CDH7: variants seen among roughly 807,000 people sequenced by gnomAD.
The protein encoded by CDH7 is cadherin 7, also known as cadherin-7.
Under a neutral mutation model 71.8 loss-of-function variants are expected in CDH7, and 25 were observed. The observed-to-expected ratio is 0.35, with a 90% CI of 0.25 to 0.49. The LOEUF is 0.49. CDH7 is among the 20% of genes least tolerant of loss of function. The pLI is 0.99. For missense variants in CDH7, 862 were observed against 974.6 expected (o/e 0.88, Z 1.54); for synonymous variants, 381 against 363.8 (o/e 1.05, Z -0.54).
rs549999047 is a variant in CDH7 at position 65,763,546 on chromosome 18, A to G, written c.210+494A>G. 1.4e-4 allele frequency among the ~76,000 whole-genome samples: 21 copies of G among 151,812 alleles called. 1 individual carries two copies. The highest frequency in any genetic ancestry group is 4.8e-4 in the African/African-American group (20 of 41,398). Reference sequence around the variant, plus strand: ...CTATTGACCCTAATGTTTCTAAATTATGAACAATTTAAACCCACTTTTCTT... The same window carrying G: ...CTATTGACCCTAATGTTTCTAAATTGTGAACAATTTAAACCCACTTTTCTT... On this transcript the variant is annotated intron_variant, in intron 2 of 11. Transcript: ENST00000397968.
intron 7 of CDH7, among the ~76,000 whole-genome samples, chr18:65,849,339 TTTTTCTTTTC>T (rs71167161): frequency 0.039 from 3,207 of 81,698 alleles, 69 homozygotes; most frequent in Non-Finnish European, 0.047. Context: ...TAGCCTTTCC[TTTTTCTTTTC>T]TTTTCTTTTC....
At chr18:65,820,778 A>G (rs1911894896) in intron 4 of CDH7, among the ~76,000 whole-genome samples, 2 of 152,180 alleles carry the variant, frequency 1.3e-5, no homozygotes, top group Admixed American at 1.3e-4. Flanking sequence ...TTCTATCTTA[A>G]CGATGCTATA....
rs75065201 is a variant in CDH7 at position 65,869,661 on chromosome 18, C to T, written c.1864+6744C>T. Among the ~76,000 whole-genome samples the T allele has an allele frequency of 5.4e-3, 767 of 143,276 alleles. 10 individuals are homozygous for T. The highest frequency in any genetic ancestry group is 0.019 in the African/African-American group (737 of 39,052). 94.0% of individuals were successfully genotyped at this position (143,276 alleles called of 152,430 possible). A position where few individuals can be genotyped will look rare whatever the true frequency, so the allele number is the denominator to read the frequency against. On this transcript the variant is annotated intron_variant, in intron 11 of 11. Transcript: ENST00000397968. Reference sequence around the variant, plus strand: ...TACCTTGCATCTAGCAGTCTTTGAGCATCTGACATGGTCGACTTGTCTGTT... The same window carrying T: ...TACCTTGCATCTAGCAGTCTTTGAGTATCTGACATGGTCGACTTGTCTGTT...
At chr18:65,854,861 G>A (rs1913291939) in intron 7 of CDH7, among the ~76,000 whole-genome samples, 2 of 151,444 alleles carry the variant, frequency 1.3e-5, no homozygotes, top group African/African-American at 2.4e-5. Flanking sequence ...ACATAGAAGT[G>A]TATTTTATAT....
At chr18:65,799,381 A>G (rs1911031830) in intron 2 of CDH7, among the ~76,000 whole-genome samples, 1 of 152,082 alleles carries the variant, frequency 6.6e-6, no homozygotes, top group African/African-American at 2.4e-5. Flanking sequence ...GGAGTGAGGT[A>G]AGAAGGACAA....
At chr18:65,755,405 A>C (rs752706992) in intron 1 of CDH7, among the ~76,000 whole-genome samples, 4 of 152,222 alleles carry the variant, frequency 2.6e-5, no homozygotes, top group Non-Finnish European at 5.9e-5. Context: ...GGAGCAGCAG[A>C]ATTTGAAGAT....
intron 4 of CDH7, among the ~76,000 whole-genome samples, chr18:65,819,286 C>T (rs748007950): frequency 8.5e-5 from 13 of 152,110 alleles, no homozygotes; most frequent in Non-Finnish European, 1.5e-4. Context: ...ATTGGGTTTA[C>T]GTAAGTATAA....
chr18:65,857,137 G>A (rs1484804837), intron 7 of CDH7, among the ~76,000 whole-genome samples: 3 of 151,470 alleles, frequency 2.0e-5, no homozygotes, highest in Non-Finnish European at 4.4e-5. Flanking sequence ...GTCCATAATC[G>A]TGACCAGGGT....
Position 65,881,157 on chromosome 18 carries a change from T to A in CDH7, c.*263T>A, listed in dbSNP as rs1022149318. ...TTTGATAAAAATAAATGCTCAGTGG[T>A]TTGTGAATAGATAGCAACTCTCATA... On this transcript the variant is annotated 3_prime_UTR_variant, in exon 12 of 12. Transcript: ENST00000397968. The A allele has an allele frequency of 6.3e-6, 2 of 319,988 alleles. No individual in the cohort carries two copies. The highest frequency in any genetic ancestry group is 1.1e-5 in the Non-Finnish European group (2 of 175,504). 19.8% of individuals were successfully genotyped at this position (319,988 alleles called of 1,614,324 possible).
chr18:65,802,362 A>C (rs571950579), intron 2 of CDH7, among the ~76,000 whole-genome samples: 12 of 152,212 alleles, frequency 7.9e-5, no homozygotes, highest in Non-Finnish European at 1.3e-4. Flanking sequence ...AACAGACATG[A>C]AATTATTTGG....
chr18:65,797,643 T>A (rs1175923544), intron 2 of CDH7, among the ~76,000 whole-genome samples: 2 of 152,208 alleles, frequency 1.3e-5, no homozygotes, highest in Non-Finnish European at 2.9e-5. Flanking sequence ...AGGGTCTTGT[T>A]ATGTGAACCA....
chr18:65,875,674 C>T (rs1914053242), intron 11 of CDH7, among the ~76,000 whole-genome samples: 1 of 152,132 alleles, frequency 6.6e-6, no homozygotes, highest in African/African-American at 2.4e-5. Flanking sequence ...ATCACTTGAG[C>T]TTAAGGAGCT....
At chr18:65,827,868 G>A (rs1193792653) in intron 6 of CDH7, among the ~76,000 whole-genome samples, 1 of 151,752 alleles carries the variant, frequency 6.6e-6, no homozygotes, top group African/African-American at 2.4e-5. Flanking sequence ...AAATTTTGCT[G>A]TTTGAAATAG....
In CDH7 at chr18:65,887,422, C is replaced by T. The variant is rs751026430; in HGVS notation, c.*6528C>T. The T allele has an allele frequency of 6.8e-6, 1 of 147,550 alleles. No homozygotes were observed. Among genetic ancestry groups the T allele is most frequent in the African/African-American group, 2.5e-5 (1 of 40,102 alleles). 9.1% of individuals were successfully genotyped at this position (147,550 alleles called of 1,614,324 possible). On this transcript the variant is annotated 3_prime_UTR_variant, in exon 12 of 12. Transcript: ENST00000397968. Reference sequence around the variant, plus strand: ...CTAATTCTATCCCTCCCCCCTCCCCCTACCCCACAACAGTCCCTAGAGTGT... The same window carrying T: ...CTAATTCTATCCCTCCCCCCTCCCCTTACCCCACAACAGTCCCTAGAGTGT...
At chr18:65,829,158 C>T (rs1244290543) in intron 6 of CDH7, among the ~76,000 whole-genome samples, 9 of 108,422 alleles carry the variant, frequency 8.3e-5, no homozygotes, top group East Asian at 6.6e-4. Flanking sequence ...CTCGCTTTGT[C>T]GCCCAGGCTG....
At chr18:65,830,667 C>CTTCCTTTCCT (rs10681635) in intron 6 of CDH7, among the ~76,000 whole-genome samples, 75,583 of 134,638 alleles carry the variant, frequency 0.56, 25,241 homozygotes, top group East Asian at 0.96. Flanking sequence ...CTCTCTCTCT[C>CTTCCTTTCCT]TTCCTTTCCT....
chr18:65,778,702 G>C lies in CDH7; in HGVS notation c.210+15650G>C, dbSNP rs996722556. Among the ~76,000 whole-genome samples, 68 of 149,932 alleles carry C rather than the reference G, an allele frequency of 4.5e-4. 1 individual carries two copies. Among genetic ancestry groups the C allele is most frequent in the Admixed American group, 6.6e-5 (1 of 15,048 alleles). ...TTTGTTTTTCAATGAGACGTCAACAGTTTATTTCATAATAAATAAATACAC... is the reference window on the plus strand; with the variant it reads ...TTTGTTTTTCAATGAGACGTCAACACTTTATTTCATAATAAATAAATACAC... On this transcript the variant is annotated intron_variant, in intron 2 of 11. Transcript: ENST00000397968.
Position 65,862,736 on chromosome 18 carries a change from A to G in CDH7, c.1683A>G (p.Pro561=), listed in dbSNP as rs749223151. The G allele has an allele frequency of 2.5e-5, 41 of 1,614,002 alleles. No individual in the cohort carries two copies. In the Admixed American group the frequency reaches 5.8e-4, roughly 23 times the overall value. Reference sequence around the variant, plus strand: ...AGGAACAATCAGTTTACTATCTGCCAATTTTCATTGTGGACAGTGGATCTC... The same window carrying G: ...AGGAACAATCAGTTTACTATCTGCCGATTTTCATTGTGGACAGTGGATCTC... ...RRQEQSVYYL[P]IFIVDSGSPS... The change falls in exon 11 of 12, where the codon CCA becomes CCG. Residue 561 remains proline (P), a synonymous_variant. Coordinates refer to ENST00000397968, the MANE Select transcript of CDH7 (RefSeq NM_004361.5).
chr18:65,804,667 A>G (rs1187348501), intron 2 of CDH7, among the ~76,000 whole-genome samples: 1 of 151,098 alleles, frequency 6.6e-6, no homozygotes, highest in East Asian at 2.0e-4. Flanking sequence ...ACCCAAGGAC[A>G]TGCAAGCACG....
Sources: allele counts gnomAD v4.1 joint callset (sites outside exome capture counted in the v4.1 genomes callset), GRCh38; gene constraint gnomAD v4.1.1; transcripts MANE v1.5; gene names NCBI Gene and HGNC (gene_info 2026-07-23, HGNC 2026-07-21).